The following CRB1 variants were observed in gnomAD, a reference collection of about 807,000 sequenced individuals.
CRB1 encodes the protein crumbs cell polarity complex component 1.
A neutral mutation model predicts 120.0 loss-of-function variants in CRB1; 83 were observed. That is an observed-to-expected ratio of 0.69 (90% CI 0.58 to 0.83). The LOEUF is 0.83. CRB1 is among the 40% of genes least tolerant of loss of function. The pLI is 0.00. For missense variants in CRB1, 1,699 were observed against 1,687.6 expected (o/e 1.01, Z -0.12); for synonymous variants, 625 against 612.5 (o/e 1.02, Z -0.30).
intron 5 of CRB1, among the ~76,000 whole-genome samples, chr1:197,389,886 G>A (rs1314072382): frequency 6.6e-6 from 1 of 152,048 alleles, no homozygotes; most frequent in Non-Finnish European, 1.5e-5. Flanking sequence ...GCATCCAGGA[G>A]CCACTCCACC....
chr1:197,472,774 G>A (rs1378787693), intron 11 of CRB1, among the ~76,000 whole-genome samples: 1 of 152,164 alleles, frequency 6.6e-6, no homozygotes, highest in Non-Finnish European at 1.5e-5. Flanking sequence ...CAGTGAGAGT[G>A]ATAACCCGAA....
intron 5 of CRB1, among the ~76,000 whole-genome samples, chr1:197,416,365 G>C (rs1466540356): frequency 6.6e-6 from 1 of 152,112 alleles, no homozygotes; most frequent in Non-Finnish European, 1.5e-5. Flanking sequence ...AATGTTGCCT[G>C]AGTTTTATTC....
chr1:197,256,588 G>C, the CRB1 span, among the ~76,000 whole-genome samples: 1 of 151,920 alleles, frequency 6.6e-6, no homozygotes, highest in Non-Finnish European at 1.5e-5. Flanking sequence ...TGAGCAGAAG[G>C]GCTCCAAGTG....
chr1:197,419,223 A>G (rs968144317), intron 5 of CRB1, among the ~76,000 whole-genome samples: 10 of 152,342 alleles, frequency 6.6e-5, no homozygotes, highest in African/African-American at 2.4e-4. Flanking sequence ...TTATCAATAT[A>G]GGAATCTTTG....
At chr1:197,254,563 T>C in the CRB1 span, among the ~76,000 whole-genome samples, 2 of 152,050 alleles carry the variant, frequency 1.3e-5, no homozygotes, top group African/African-American at 4.8e-5. Flanking sequence ...GTGGTGATAA[T>C]TGAATGAGGA....
At chr1:197,276,856 A>G (rs1655237743) in intron 1 of CRB1, among the ~76,000 whole-genome samples, 2 of 151,978 alleles carry the variant, frequency 1.3e-5, no homozygotes, top group Non-Finnish European at 1.5e-5. Context: ...GGACACCTTA[A>G]GCAAATGACA....
intron 9 of CRB1, among the ~76,000 whole-genome samples, chr1:197,438,326 T>C (rs1200647073): frequency 2.0e-5 from 3 of 152,166 alleles, no homozygotes; most frequent in Non-Finnish European, 4.4e-5. Context: ...TGTGTAGAAA[T>C]GGAAGATGTA....
At chr1:197,341,960 G>T (rs899679994) in intron 2 of CRB1, among the ~76,000 whole-genome samples, 1 of 152,196 alleles carries the variant, frequency 6.6e-6, no homozygotes, top group African/African-American at 2.4e-5. Flanking sequence ...TCCAGACAGA[G>T]ATCAGTGTAT....
chr1:197,355,682 G>A lies in CRB1; in HGVS notation c.989-1149G>A, dbSNP rs146694949. Among the ~76,000 whole-genome samples, 1,039 of 152,232 alleles carry A rather than the reference G, an allele frequency of 6.8e-3. 12 individuals are homozygous for A. Among genetic ancestry groups the A allele is most frequent in the African/African-American group, 0.022 (911 of 41,522 alleles). On this transcript the variant is annotated intron_variant, in intron 4 of 11. Transcript: ENST00000367400. The stretch of plus-strand genomic sequence containing the variant: ...CCGTGGGCAGCGGCGCCCACCGGCC[G>A]CTCTGAGTTTTGGGCCGGCAAGCCC...
chr1:197,478,163 T>G lies in CRB1; in HGVS notation c.*284T>G. The stretch of plus-strand genomic sequence containing the variant: ...AGAATAAAGTCTTCTGTGGCTTTAG[T>G]GGCTATCACTGAAACTCTTTCCTCT... On this transcript the variant is annotated 3_prime_UTR_variant, in exon 12 of 12. Coordinates refer to ENST00000367400, the MANE Select transcript of CRB1 (RefSeq NM_201253.3). The G allele has an allele frequency of 2.4e-6, 1 of 423,504 alleles. No homozygotes were observed. Among genetic ancestry groups the G allele is most frequent in the East Asian group, 4.8e-5 (1 of 20,944 alleles). 26.2% of individuals were successfully genotyped at this position (423,504 alleles called of 1,614,324 possible).
intron 5 of CRB1, among the ~76,000 whole-genome samples, chr1:197,408,253 T>C (rs1198369159): frequency 1.3e-5 from 2 of 152,130 alleles, no homozygotes; most frequent in African/African-American, 4.8e-5. Flanking sequence ...TGGGCAGAAC[T>C]GTGAAAGAAA....
Position 197,477,494 on chromosome 1 carries a change from T to C in CRB1, c.4006-170T>C, listed in dbSNP as rs1015162808. The C allele has an allele frequency of 1.1e-4, 82 of 715,634 alleles. No homozygotes were observed. The Middle Eastern group carries it at 1.6e-3, about 14-fold the overall frequency. 44.3% of individuals were successfully genotyped at this position (715,634 alleles called of 1,614,324 possible). A position where few individuals can be genotyped will look rare whatever the true frequency, so the allele number is the denominator to read the frequency against. ...TTCTAGATATATGATTATTTGTAAA[T>C]GATTTGAGAATAAGAAAATCTGACT... On this transcript the variant is annotated intron_variant, in intron 11 of 11. Coordinates refer to ENST00000367400, the MANE Select transcript of CRB1 (RefSeq NM_201253.3).
intron 4 of CRB1, among the ~76,000 whole-genome samples, chr1:197,348,708 C>G (rs1293923195): frequency 1.3e-5 from 2 of 152,036 alleles, no homozygotes; most frequent in African/African-American, 2.4e-5. Flanking sequence ...AATCTCCTAA[C>G]CTTGTGATCC....
Position 197,344,324 on chromosome 1 carries a change from T to G in CRB1, c.696T>G (p.Pro232=). Residue 232 remains proline, a synonymous_variant, in exon 3 of 12, where the codon CCT becomes CCG. Transcript: ENST00000367400. The part of the protein sequence containing the change: ...ELEIDECWSQ[P]CLNGATCQDA... ...AAATTGACGAATGTTGGTCCCAGCCTTGTTTAAATGGTGCAACTTGTCAGG... is the reference window on the plus strand; with the variant it reads ...AAATTGACGAATGTTGGTCCCAGCCGTGTTTAAATGGTGCAACTTGTCAGG... 1 of 1,614,200 alleles carries G rather than the reference T, an allele frequency of 6.2e-7. No homozygotes were observed. Among genetic ancestry groups the G allele is most frequent in the Non-Finnish European group, 8.5e-7 (1 of 1,180,020 alleles).
intron 11 of CRB1, among the ~76,000 whole-genome samples, chr1:197,453,775 A>C (rs71631901): frequency 0.32 from 45,720 of 142,836 alleles, 7,710 homozygotes; most frequent in Middle Eastern, 0.42. Context: ...TCTTCTTATT[A>C]TTATTATTAT....
At chr1:197,372,953 C>T (rs748425724) in intron 5 of CRB1, among the ~76,000 whole-genome samples, 1 of 152,070 alleles carries the variant, frequency 6.6e-6, no homozygotes, top group African/African-American at 2.4e-5. Flanking sequence ...TTCAGCTAGA[C>T]CATACAATTG....
At chr1:197,235,465 T>C in the CRB1 span, among the ~76,000 whole-genome samples, 1 of 152,196 alleles carries the variant, frequency 6.6e-6, no homozygotes, top group Non-Finnish European at 1.5e-5. Context: ...TTTGGAATCC[T>C]GTGATTACCA....
intron 5 of CRB1, among the ~76,000 whole-genome samples, chr1:197,419,145 A>C (rs2759664): frequency 2.0e-5 from 3 of 152,324 alleles, no homozygotes; most frequent in East Asian, 3.9e-4. Flanking sequence ...ATAGATGAGG[A>C]AACAAATATA....
chr1:197,410,701 T>A (rs1405502178), intron 5 of CRB1, among the ~76,000 whole-genome samples: 1 of 152,230 alleles, frequency 6.6e-6, no homozygotes, highest in Non-Finnish European at 1.5e-5. Flanking sequence ...AATTCTCTAC[T>A]TAGAAATTAT....
Sources: gnomAD v4.1 joint callset for allele counts (sites outside exome capture counted in the v4.1 genomes callset) on GRCh38, gnomAD v4.1.1 for gene constraint, MANE v1.5 for transcripts, NCBI Gene and HGNC (gene_info 2026-07-23, HGNC 2026-07-21) for gene names.